The following TTC7B variants were observed in gnomAD, a reference collection of about 807,000 sequenced individuals.
The protein encoded by TTC7B is tetratricopeptide repeat domain 7B, also known as tetratricopeptide repeat protein 7B.
A neutral mutation model predicts 106.8 loss-of-function variants in TTC7B; 28 were observed. The ratio of observed to expected loss-of-function variants is 0.26; its 90% CI spans 0.19 to 0.36. TTC7B has a LOEUF of 0.36. TTC7B is among the 10% of genes least tolerant of loss of function. The pLI is 1.00. For synonymous variants in TTC7B, 405 were observed against 430.6 expected, an observed-to-expected ratio of 0.94 and a Z score of 0.74; for missense variants, 862 against 1,076.4, an observed-to-expected ratio of 0.80 and a Z score of 2.79.
intron 19 of TTC7B, among the ~76,000 whole-genome samples, chr14:90,568,676 T>C (rs1890895746): frequency 6.6e-6 from 1 of 152,142 alleles, no homozygotes; most frequent in South Asian, 2.1e-4. Flanking sequence ...AGAAAAATGC[T>C]GCAGTGGTAG....
intron 18 of TTC7B, among the ~76,000 whole-genome samples, chr14:90,592,862 C>T (rs1261063490): frequency 6.6e-6 from 1 of 152,106 alleles, no homozygotes; most frequent in Non-Finnish European, 1.5e-5. Flanking sequence ...GTTGCTGTCT[C>T]TCTATGAAAT....
Position 90,680,567 on chromosome 14 carries a change from T to A in TTC7B, c.951-32A>T, listed in dbSNP as rs759977216. The A allele has an allele frequency of 2.6e-6, 4 of 1,551,966 alleles. No individual in the cohort carries two copies. In the African/African-American group the frequency reaches 5.4e-5, roughly 21 times the overall value. Reference sequence around the variant, plus strand: ...TTGAAAGAAAACTGACTTTGATATATGGCAGTTTCAAAATATACAAATACA... The same window carrying A: ...TTGAAAGAAAACTGACTTTGATATAAGGCAGTTTCAAAATATACAAATACA... On this transcript the variant is annotated intron_variant, in intron 7 of 19. Coordinates refer to ENST00000328459, the MANE Select transcript of TTC7B (RefSeq NM_001010854.2).
chr14:90,565,700 A>T (rs1309830902), intron 19 of TTC7B, among the ~76,000 whole-genome samples: 4 of 152,006 alleles, frequency 2.6e-5, no homozygotes, highest in Non-Finnish European at 5.9e-5. Context: ...GCGCCTGGCC[A>T]ATCCTTTCTA....
chr14:90,711,926 A>T (rs751004776), intron 5 of TTC7B, among the ~76,000 whole-genome samples: 7 of 152,222 alleles, frequency 4.6e-5, no homozygotes, highest in Non-Finnish European at 8.8e-5. Context: ...TTAAATGTGT[A>T]TGTATACAAT....
chr14:90,589,028 C>T (rs574412227), intron 18 of TTC7B, among the ~76,000 whole-genome samples: 64 of 152,090 alleles, frequency 4.2e-4, no homozygotes, highest in Admixed American at 3.0e-3. Flanking sequence ...TCAAAAGCTA[C>T]GGACAGAAAA....
intron 17 of TTC7B, among the ~76,000 whole-genome samples, chr14:90,596,605 G>C (rs975729762): frequency 1.3e-5 from 2 of 152,158 alleles, no homozygotes; most frequent in African/African-American, 4.8e-5. Flanking sequence ...CTACAGGAAG[G>C]CTGCTGTGAG....
rs111490922 is a variant in TTC7B, at chr14:90,618,079, G to C, written c.1752-34C>G. The stretch of plus-strand genomic sequence containing the variant: ...GGGAGACAAAGGGAGAAAACACCAC[G>C]GCTCAAGCCACAGAGTCCCCATCCC... On this transcript the variant is annotated intron_variant, in intron 15 of 19. Transcript: ENST00000328459. 2.6e-5 allele frequency: 40 copies of C among 1,510,856 alleles called. No individual in the cohort carries two copies. In the African/African-American group the frequency reaches 4.4e-4, roughly 17 times the overall value. The allele number at this position is 1,510,856 out of a possible 1,614,324, so 93.6% of individuals were successfully genotyped here.
chr14:90,753,779 G>A (rs768762015), intron 3 of TTC7B, among the ~76,000 whole-genome samples: 15 of 152,166 alleles, frequency 9.9e-5, no homozygotes, highest in African/African-American at 2.9e-4. Flanking sequence ...TCCTTCTTAG[G>A]AGGTGTGCTC....
chr14:90,714,844 T>C (rs1888593437), intron 5 of TTC7B, among the ~76,000 whole-genome samples: 2 of 152,214 alleles, frequency 1.3e-5, no homozygotes, highest in South Asian at 4.1e-4. Flanking sequence ...CTTTTAAAAA[T>C]ATAGCAGCTT....
chr14:90,706,912 T>A (rs1170208788), intron 5 of TTC7B, among the ~76,000 whole-genome samples: 1 of 152,248 alleles, frequency 6.6e-6, no homozygotes, highest in Non-Finnish European at 1.5e-5. Flanking sequence ...TATGTGTGTA[T>A]ATGCACATGC....
At chr14:90,610,432 A>T (rs541505974) in intron 17 of TTC7B, among the ~76,000 whole-genome samples, 2 of 152,374 alleles carry the variant, frequency 1.3e-5, no homozygotes, top group African/African-American at 4.8e-5. Flanking sequence ...AGGGAGACAC[A>T]GGGAAGCAGA....
chr14:90,799,069 C>T (rs1247691614), intron 1 of TTC7B, among the ~76,000 whole-genome samples: 10 of 152,142 alleles, frequency 6.6e-5, no homozygotes, highest in Admixed American at 5.2e-4. Context: ...TTTACATCTG[C>T]GATCACTACC....
intron 18 of TTC7B, among the ~76,000 whole-genome samples, chr14:90,587,283 C>T (rs934127594): frequency 3.7e-4 from 56 of 152,302 alleles, no homozygotes; most frequent in African/African-American, 1.3e-3. Context: ...GCTTCAAGTC[C>T]CTCAGTAGCT....
chr14:90,811,022 G>A lies in TTC7B; in HGVS notation c.121+5153C>T, dbSNP rs942214311. 1.3e-5 allele frequency among the ~76,000 whole-genome samples: 2 copies of A among 152,198 alleles called. 1 individual carries two copies. The highest frequency in any genetic ancestry group is 2.9e-5 in the Non-Finnish European group (2 of 68,032). Reference sequence around the variant, plus strand: ...GGTTGGCCAGACCAAGCAGATGGATGAGGCTGAGGACGAGCTGCACAGCCC... The same window carrying A: ...GGTTGGCCAGACCAAGCAGATGGATAAGGCTGAGGACGAGCTGCACAGCCC... On this transcript the variant is annotated intron_variant, in intron 1 of 19. Transcript: ENST00000328459.
chr14:90,668,939 A>G (rs950968709), intron 9 of TTC7B, among the ~76,000 whole-genome samples: 1 of 150,880 alleles, frequency 6.6e-6, no homozygotes. Flanking sequence ...AAGTTAAAGG[A>G]CTCATACTTT....
At chr14:90,812,049 G>A (rs2030926257) in intron 1 of TTC7B, among the ~76,000 whole-genome samples, 1 of 152,128 alleles carries the variant, frequency 6.6e-6, no homozygotes, top group Non-Finnish European at 1.5e-5. Context: ...GGGTCACAAG[G>A]GGTCAGCTGC....
intron 5 of TTC7B, among the ~76,000 whole-genome samples, chr14:90,713,996 G>A (rs1191306221): frequency 1.3e-5 from 2 of 152,184 alleles, no homozygotes; most frequent in Non-Finnish European, 2.9e-5. Context: ...GGGAGGTGGA[G>A]GCAGGCAGAT....
At chr14:90,794,842 A>C (rs1258985617) in intron 1 of TTC7B, among the ~76,000 whole-genome samples, 1 of 152,192 alleles carries the variant, frequency 6.6e-6, no homozygotes, top group African/African-American at 2.4e-5. Context: ...TAAAAACATC[A>C]AGAGTCAGGC....
At chr14:90,765,310 G>A (rs1890638064) in intron 3 of TTC7B, among the ~76,000 whole-genome samples, 1 of 152,146 alleles carries the variant, frequency 6.6e-6, no homozygotes, top group South Asian at 2.1e-4. Flanking sequence ...AGTTGGGGTG[G>A]GGGTTCAGGA....
Sources: gnomAD v4.1 joint callset for allele counts (sites outside exome capture counted in the v4.1 genomes callset) on GRCh38, gnomAD v4.1.1 for gene constraint, MANE v1.5 for transcripts, NCBI Gene and HGNC (gene_info 2026-07-23, HGNC 2026-07-21) for gene names.